AOX1: variants seen among roughly 807,000 people sequenced by gnomAD.
AOX1 encodes the protein aldehyde oxidase 1.
Under a neutral mutation model 169.5 loss-of-function variants are expected in AOX1, and 153 were observed. The observed-to-expected ratio is 0.90, with a 90% CI of 0.79 to 1.03. The LOEUF (loss-of-function observed/expected upper bound fraction) is 1.03. Among genes scored for constraint, AOX1 ranks in the 50% least tolerant of loss-of-function variants. The pLI is 0.00. For synonymous variants in AOX1, 562 were observed against 581.9 expected (o/e 0.97, Z 0.49); for missense variants, 1,656 against 1,663.9 (o/e 1.00, Z 0.08).
Position 200,627,401 on chromosome 2 carries a change from T to C in AOX1, c.2173T>C (p.Tyr725His). ...CTTCAAGCCAGAAAGGAAACTGGAA[T>C]ATGGAAATGTTGACGAAGCATTTAA... ...SSFKPERKLE[Y>H]GNVDEAFKVV... Residue 725 changes from tyrosine (Y) to histidine (H), a missense_variant, in exon 20 of 35, where the codon TAT becomes CAT. Transcript: ENST00000374700. The C allele has an allele frequency of 6.2e-7, 1 of 1,613,912 alleles. No individual in the cohort carries two copies. Among genetic ancestry groups the C allele is most frequent in the Non-Finnish European group, 8.5e-7 (1 of 1,179,844 alleles).
At chr2:200,598,684 G>T (rs986912630) in intron 4 of AOX1, among the ~76,000 whole-genome samples, 1 of 151,718 alleles carries the variant, frequency 6.6e-6, no homozygotes, top group Non-Finnish European at 1.5e-5. Context: ...GGTGGAGGTT[G>T]CAGTGAGCCA....
Position 200,651,016 on chromosome 2 carries a change from T to C in AOX1, c.2890T>C (p.Tyr964His). Residue 964 changes from tyrosine (Y) to histidine (H), a missense_variant, in exon 26 of 35, where the codon TAC becomes CAC. Physicochemically the swap from Tyr to His is moderately conservative, Grantham distance 83. Coordinates refer to ENST00000374700, the MANE Select transcript of AOX1 (RefSeq NM_001159.4). ...NMYKEIDQTP[Y>H]KQEINAKNLI... ...GTACAAGGAAATTGATCAAACACCC[T>C]ACAAACAAGAGATCAATGCCAAGAA... is the stretch of plus-strand genomic sequence containing the variant. The C allele has an allele frequency of 6.2e-7, 1 of 1,614,180 alleles. No homozygotes were observed. Among genetic ancestry groups the C allele is most frequent in the East Asian group, 2.2e-5 (1 of 44,882 alleles).
chr2:200,669,242 G>A (rs1574967639), intron 33 of AOX1, among the ~76,000 whole-genome samples: 2 of 152,176 alleles, frequency 1.3e-5, no homozygotes, highest in Non-Finnish European at 1.5e-5. Flanking sequence ...CCAAGAGTTC[G>A]AGACCAGCCT....
intron 8 of AOX1, among the ~76,000 whole-genome samples, 178 bp from the exon 9 acceptor site, chr2:200,604,518 A>G (rs982550200): frequency 6.6e-6 from 1 of 152,244 alleles, no homozygotes; most frequent in African/African-American, 2.4e-5. Context: ...GTAAAGAACC[A>G]TCGTGCTTTT....
chr2:200,616,376 T>C (rs964947637), intron 16 of AOX1, among the ~76,000 whole-genome samples: 13 of 152,252 alleles, frequency 8.5e-5, no homozygotes, highest in African/African-American at 2.4e-5. Context: ...CCCTGGGCAC[T>C]GCAGGCATCA....
chr2:200,679,617 T>C (rs970795880), downstream of AOX1, among the ~76,000 whole-genome samples: 4 of 151,902 alleles, frequency 2.6e-5, no homozygotes, highest in African/African-American at 9.7e-5. Context: ...TTATTACACT[T>C]CCATAAAAAT....
chr2:200,597,468 G>A lies in AOX1; in HGVS notation c.272G>A (p.Gly91Asp). 2 of 1,612,554 alleles carry A rather than the reference G, an allele frequency of 1.2e-6. No individual in the cohort carries two copies. The highest frequency in any genetic ancestry group is 1.7e-6 in the Non-Finnish European group (2 of 1,179,310). The part of the protein sequence containing the change: ...LYGAAVTTVE[G>D]IGSTHTRIHP... Reference sequence around the variant, plus strand: ...GGTGCTGCCGTCACCACAGTAGAAGGCATAGGAAGCACCCACACCAGAATT... The same window carrying A: ...GGTGCTGCCGTCACCACAGTAGAAGACATAGGAAGCACCCACACCAGAATT... Residue 91 changes from glycine to aspartate, a missense_variant, in exon 4 of 35, where the codon GGC becomes GAC. Physicochemically the swap from Gly to Asp is moderately conservative, Grantham distance 94. Coordinates refer to ENST00000374700, the MANE Select transcript of AOX1 (RefSeq NM_001159.4).
At chr2:200,616,103 G>T in intron 16 of AOX1, 40 bp downstream of exon 16, 1 of 1,451,224 alleles carries the variant, frequency 6.9e-7, no homozygotes, top group Non-Finnish European at 9.7e-7. Context: ...CACAATCTGG[G>T]CTATAGTGAT....
chr2:200,633,280 G>T (rs2105737662), intron 20 of AOX1, among the ~76,000 whole-genome samples: 1 of 151,484 alleles, frequency 6.6e-6, no homozygotes, highest in East Asian at 2.0e-4. Context: ...TTGTGAATTT[G>T]GGGACATTTT....
At chr2:200,623,225 C>T (rs2034924418) in intron 18 of AOX1, among the ~76,000 whole-genome samples, 1 of 152,122 alleles carries the variant, frequency 6.6e-6, no homozygotes, top group South Asian at 2.1e-4. Flanking sequence ...GTTTCTTTTC[C>T]CCATCTAAAT....
intron 10 of AOX1, among the ~76,000 whole-genome samples, chr2:200,607,506 T>C (rs2034539888): frequency 6.6e-6 from 1 of 152,224 alleles, no homozygotes; most frequent in African/African-American, 2.4e-5. Flanking sequence ...GTAATGCTTT[T>C]ACACTGTTGG....
At position 200,612,714 on chromosome 2, in the gene AOX1, A is replaced by G. The variant is rs759692972; in HGVS notation, c.1369A>G (p.Arg457Gly). ...TTTTGGAGAAGGGGATGGCATTATT[A>G]GAGAGTTATGCATCTCATATGGAGG... ...VFFGEGDGII[R>G]ELCISYGGVG... Residue 457 changes from arginine to glycine, a missense_variant, in exon 14 of 35, where the codon AGA (arginine) becomes GGA (glycine). By Grantham distance (125) the Arg-to-Gly change is moderately radical. Transcript: ENST00000374700. 1.9e-6 allele frequency: 3 copies of G among 1,613,964 alleles called. No individual in the cohort carries two copies. The highest frequency in any genetic ancestry group is 2.5e-6 in the Non-Finnish European group (3 of 1,179,994).
intron 27 of AOX1, among the ~76,000 whole-genome samples, chr2:200,657,165 AATAT>A (rs1553578034): frequency 2.3e-5 from 2 of 88,406 alleles, no homozygotes; most frequent in African/African-American, 1.0e-4. Context: ...CTCTACCAAA[AATAT>A]ATATATATAT....
At chr2:200,676,454 G>A (rs1194395307), downstream of AOX1, among the ~76,000 whole-genome samples, 1 of 151,960 alleles carries the variant, frequency 6.6e-6, no homozygotes, top group Non-Finnish European at 1.5e-5. Context: ...ACAAAAATTA[G>A]TCGGGCCTGG....
At position 200,609,328 on chromosome 2, in the gene AOX1, G is replaced by A; in HGVS notation, c.1067G>A (p.Gly356Glu). Residue 356 changes from glycine (G) to glutamate (E), a missense_variant, in exon 12 of 35, where the codon GGG becomes GAG. Gly to Glu is a moderately conservative substitution (Grantham distance 98). Transcript: ENST00000374700. ...ACTCATTATTTTTAAAAGTCTTTAG[G>A]GGGACACATCATTAGCAGGCATCCA... Reference protein sequence around the residue: ...GSQIRNMASLGGHIISRHPDS... With the variant: ...GSQIRNMASLEGHIISRHPDS... 1 of 1,613,666 alleles carries A rather than the reference G, an allele frequency of 6.2e-7. No individual in the cohort carries two copies. The highest frequency in any genetic ancestry group is 8.5e-7 in the Non-Finnish European group (1 of 1,179,748).
chr2:200,666,751 A>C lies in AOX1; in HGVS notation c.3608A>C (p.Gln1203Pro), dbSNP rs752805571. The C allele has an allele frequency of 1.2e-6, 2 of 1,610,062 alleles. No individual in the cohort carries two copies. Among genetic ancestry groups the C allele is most frequent in the Admixed American group, 3.4e-5 (2 of 58,952 alleles). ...ATAAATCCAGCCATTGACATAGGCC[A>C]GGTACGTGTAACTGATGTGTCTCAC... is the stretch of plus-strand genomic sequence containing the variant. ...CSINPAIDIG[Q>P]IEGAFIQGMG... Residue 1203 changes from glutamine to proline, a missense_variant and splice_region_variant, in exon 32 of 35, where the codon CAG becomes CCG. Transcript: ENST00000374700.
intron 1 of AOX1, among the ~76,000 whole-genome samples, chr2:200,590,836 A>G (rs2034154965): frequency 6.6e-6 from 1 of 152,186 alleles, no homozygotes; most frequent in South Asian, 2.1e-4. Flanking sequence ...TTGGGGCAGA[A>G]GCTTTATGGT....
At chr2:200,666,813 G>A in intron 32 of AOX1, 61 bp downstream of exon 32, 4 of 1,175,684 alleles carry the variant, frequency 3.4e-6, no homozygotes, top group South Asian at 1.3e-5. Context: ...GGTGGGGTCT[G>A]CAGGAGAGCA....
intron 27 of AOX1, 115 bp from the exon 28 acceptor site, chr2:200,659,050 C>G: frequency 2.1e-6 from 2 of 958,994 alleles, no homozygotes; most frequent in Non-Finnish European, 1.5e-6. Context: ...TGTGGTTCTG[C>G]TCCCTTGTCC....
Sources: gnomAD v4.1 joint callset for allele counts (sites outside exome capture counted in the v4.1 genomes callset) on GRCh38, gnomAD v4.1.1 for gene constraint, MANE v1.5 for transcripts, NCBI Gene and HGNC (gene_info 2026-07-23, HGNC 2026-07-21) for gene names.